CHSY3: variants seen among roughly 807,000 people sequenced by gnomAD.
CHSY3 encodes the protein chondroitin sulfate synthase 3, also known as N-acetylgalactosaminyl-proteoglycan 3-beta-glucuronosyltransferase 3.
CHSY3 carries 35 observed loss-of-function variants against 67.2 expected under a neutral mutation model. That is an observed-to-expected ratio of 0.52 (90% confidence interval 0.40 to 0.69). CHSY3 has a LOEUF of 0.69. Among genes scored for constraint, CHSY3 ranks in the 30% least tolerant of loss-of-function variants. The pLI is 0.00. For synonymous variants in CHSY3, 474 were observed against 434.7 expected (o/e 1.09, Z -1.12); for missense variants, 1,069 against 1,138.5 (o/e 0.94, Z 0.88).
At chr5:129,918,043 G>C (rs970769813) in intron 2 of CHSY3, among the ~76,000 whole-genome samples, 1 of 152,196 alleles carries the variant, frequency 6.6e-6, no homozygotes, top group African/African-American at 2.4e-5. Flanking sequence ...AATCACAGGA[G>C]AGTAATGAAC....
chr5:129,941,687 A>G (rs1761704455), intron 2 of CHSY3, among the ~76,000 whole-genome samples: 1 of 152,188 alleles, frequency 6.6e-6, no homozygotes, highest in Admixed American at 6.5e-5. Context: ...CAGTCAACAC[A>G]GAATACTATG....
chr5:130,148,718 G>A (rs995783151), intron 2 of CHSY3, among the ~76,000 whole-genome samples: 14 of 152,050 alleles, frequency 9.2e-5, no homozygotes, highest in African/African-American at 2.9e-4. Context: ...GGCTGTTCAT[G>A]TTCTTTGCCC....
rs141648026 is a variant in CHSY3 at position 130,080,934 on chromosome 5, C to T, written c.1087-103295C>T. Among the ~76,000 whole-genome samples, 476 of 152,164 alleles carry T rather than the reference C, an allele frequency of 3.1e-3. 3 individuals are homozygous for T. The highest frequency in any genetic ancestry group is 0.01 in the African/African-American group (421 of 41,544). ...GGGAGAAAATTATAGAGTGATTACT[C>T]CGCCACACAATGGGGTACAGTTTTT... On this transcript the variant is annotated intron_variant, in intron 2 of 2. Coordinates refer to ENST00000305031, the MANE Select transcript of CHSY3 (RefSeq NM_175856.5).
chr5:130,181,509 C>T (rs561758124), intron 2 of CHSY3, among the ~76,000 whole-genome samples: 8 of 152,214 alleles, frequency 5.3e-5, no homozygotes, highest in East Asian at 1.9e-4. Flanking sequence ...TATGAACATA[C>T]ATGTCAGAAA....
intron 2 of CHSY3, among the ~76,000 whole-genome samples, chr5:130,075,186 A>G (rs1766211101): frequency 6.6e-6 from 1 of 152,148 alleles, no homozygotes; most frequent in Non-Finnish European, 1.5e-5. Flanking sequence ...AGAGGGGTAC[A>G]TCCAACTCAT....
chr5:130,001,068 CAT>C (rs1166213875), intron 2 of CHSY3, among the ~76,000 whole-genome samples: 1 of 151,204 alleles, frequency 6.6e-6, no homozygotes, highest in East Asian at 2.0e-4. Flanking sequence ...TTTTAGTAGA[CAT>C]GGGGATTCAC....
chr5:129,973,811 C>A (rs1561480133), intron 2 of CHSY3, among the ~76,000 whole-genome samples: 1 of 152,130 alleles, frequency 6.6e-6, no homozygotes, highest in East Asian at 1.9e-4. Context: ...TATAGTTCTT[C>A]AGTGTCTTGA....
intron 2 of CHSY3, among the ~76,000 whole-genome samples, chr5:130,069,998 TTATAAGA>T (rs1766007778): frequency 6.6e-6 from 1 of 152,164 alleles, no homozygotes; most frequent in East Asian, 1.9e-4. Context: ...TTAACGAAAC[TTATAAGA>T]TATAGGCATA....
intron 2 of CHSY3, among the ~76,000 whole-genome samples, chr5:129,992,682 A>G (rs1353074451): frequency 6.6e-6 from 1 of 152,214 alleles, no homozygotes; most frequent in Non-Finnish European, 1.5e-5. Context: ...GTCCTGTCCC[A>G]TCAATATATG....
At chr5:130,115,997 G>A (rs1767785955) in intron 2 of CHSY3, among the ~76,000 whole-genome samples, 1 of 152,144 alleles carries the variant, frequency 6.6e-6, no homozygotes, top group Non-Finnish European at 1.5e-5. Flanking sequence ...TCACACAGGA[G>A]GTTCTCCTTT....
At chr5:129,923,452 G>C (rs916759626) in intron 2 of CHSY3, among the ~76,000 whole-genome samples, 4 of 151,996 alleles carry the variant, frequency 2.6e-5, no homozygotes, top group Admixed American at 2.0e-4. Flanking sequence ...GCCAGGCACT[G>C]TTCCAAGTGC....
chr5:130,018,808 T>C (rs925182806), intron 2 of CHSY3, among the ~76,000 whole-genome samples: 6 of 152,180 alleles, frequency 3.9e-5, no homozygotes, highest in Non-Finnish European at 5.9e-5. Flanking sequence ...AGACCCCTCA[T>C]GAATGGCTCA....
chr5:130,116,076 T>C (rs922711120), intron 2 of CHSY3, among the ~76,000 whole-genome samples: 11 of 152,198 alleles, frequency 7.2e-5, no homozygotes, highest in African/African-American at 2.4e-4. Context: ...ATTGCCCCTT[T>C]CTTCTCCAGA....
At chr5:130,093,327 C>T (rs9688050) in intron 2 of CHSY3, among the ~76,000 whole-genome samples, 18,011 of 152,028 alleles carry the variant, frequency 0.12, 1,477 homozygotes, top group African/African-American at 0.23. Context: ...TATTATCTTG[C>T]TTTTGAAGCA....
intron 2 of CHSY3, among the ~76,000 whole-genome samples, chr5:129,964,400 G>C (rs1762415499): frequency 6.6e-6 from 1 of 151,850 alleles, no homozygotes. Flanking sequence ...AGGAGAAGAT[G>C]AAGAGAAGAG....
At chr5:130,057,784 A>G (rs17592985) in intron 2 of CHSY3, among the ~76,000 whole-genome samples, 4,138 of 152,266 alleles carry the variant, frequency 0.027, 78 homozygotes, top group South Asian at 0.066. Context: ...GTGAAATTCA[A>G]TATGTGCCAA....
Position 129,908,483 on chromosome 5 carries a change from G to GC in CHSY3, c.1086+126dup, listed in dbSNP as rs1760405751. 2.9e-6 allele frequency: 4 copies of GC among 1,387,858 alleles called. No individual in the cohort carries two copies. In the East Asian group the frequency reaches 9.9e-5, roughly 34 times the overall value. 86.0% of individuals were successfully genotyped at this position (1,387,858 alleles called of 1,614,324 possible). A position where few individuals can be genotyped will look rare whatever the true frequency, so the allele number is the denominator to read the frequency against. On this transcript the variant is annotated intron_variant, in intron 2 of 2. Coordinates refer to ENST00000305031, the MANE Select transcript of CHSY3 (RefSeq NM_175856.5). ...TATTTACTTGAAAGTGATAGTAGCA[G>GC]CCCTTAAGGGATACAAGAGTGGGAG...
At position 130,095,532 on chromosome 5, in the gene CHSY3, A is replaced by G. The variant is rs1410440220; in HGVS notation, c.1087-88697A>G. On this transcript the variant is annotated intron_variant, in intron 2 of 2. Transcript: ENST00000305031. ...TAAATATCCATGGCCCCATGCCAAT[A>G]TAAAAAATTGAATCAATGAATAAGG... 2.0e-5 allele frequency among the ~76,000 whole-genome samples: 3 copies of G among 152,394 alleles called. No individual in the cohort carries two copies. The East Asian group carries it at 5.8e-4, about 29-fold the overall frequency.
intron 2 of CHSY3, among the ~76,000 whole-genome samples, chr5:129,972,950 T>G (rs1762687065): frequency 6.6e-6 from 1 of 152,180 alleles, no homozygotes; most frequent in Non-Finnish European, 1.5e-5. Flanking sequence ...ACTTGATCTT[T>G]AGCCCACAGA....
Sources: allele counts gnomAD v4.1 joint callset (sites outside exome capture counted in the v4.1 genomes callset), GRCh38; gene constraint gnomAD v4.1.1; transcripts MANE v1.5; gene names NCBI Gene and HGNC (gene_info 2026-07-23, HGNC 2026-07-21).